Variants in TMEM63A observed in about 807,000 individuals in gnomAD.
TMEM63A encodes the protein transmembrane protein 63A.
A neutral mutation model predicts 100.6 loss-of-function variants in TMEM63A; 76 were observed. That is an observed-to-expected ratio of 0.76 (90% CI 0.63 to 0.91). TMEM63A has a LOEUF of 0.91. Among genes scored for constraint, TMEM63A ranks in the 40% least tolerant of loss-of-function variants. TMEM63A has a pLI of 0.00. For synonymous variants in TMEM63A, 401 were observed against 401.1 expected (o/e 1.00, Z 0.00); for missense variants, 876 against 1,008.8 (o/e 0.87, Z 1.78).
At chr1:225,844,422 T>C, downstream of TMEM63A, 1 of 1,611,994 alleles carries the variant, frequency 6.2e-7, no homozygotes, top group Non-Finnish European at 8.5e-7. Context: ...CTGGCATTTG[T>C]AGGACTTTCT....
chr1:225,863,659 G>A (rs999904615), intron 10 of TMEM63A, among the ~76,000 whole-genome samples: 1 of 152,084 alleles, frequency 6.6e-6, no homozygotes, highest in Non-Finnish European at 1.5e-5. Context: ...GCTCATGCCT[G>A]TAATCCCAGC....
chr1:225,876,495 A>G (rs1437326850), intron 3 of TMEM63A, among the ~76,000 whole-genome samples: 1 of 152,210 alleles, frequency 6.6e-6, no homozygotes, highest in Non-Finnish European at 1.5e-5. Context: ...AAGAAGGGGC[A>G]CTTTAACCCC....
chr1:225,862,429 T>A lies in TMEM63A; in HGVS notation c.951+26A>T, dbSNP rs755167621. ...GGCACCCCGATGCCAATGCCTCTGC[T>A]CCCAGCCGGGGGGTGGGACCCTTAC... On this transcript the variant is annotated intron_variant, in intron 12 of 24. Transcript: ENST00000366835. This position sits in a 1 kb window ranked among gnomAD's most constrained non-coding sequence, Gnocchi z 5.1. 6.2e-7 allele frequency: 1 copy of A among 1,613,842 alleles called. No individual in the cohort carries two copies. The highest frequency in any genetic ancestry group is 1.1e-5 in the South Asian group (1 of 91,074).
intron 20 of TMEM63A, 71 bp from the exon 21 acceptor site, chr1:225,850,150 G>A (rs551185266): frequency 6.9e-5 from 107 of 1,558,380 alleles, no homozygotes; most frequent in Admixed American, 9.1e-5. Flanking sequence ...CTTCCTCTCC[G>A]GGGCGGCTAT....
chr1:225,878,885 T>TACCTAC (rs1491107467), intron 2 of TMEM63A, among the ~76,000 whole-genome samples: 17 of 139,590 alleles, frequency 1.2e-4, no homozygotes, highest in South Asian at 9.7e-4. Flanking sequence ...CCTACCTACC[T>TACCTAC]ACACACACAC....
chr1:225,857,280 C>T (rs1172852741), intron 15 of TMEM63A, among the ~76,000 whole-genome samples: 1 of 151,728 alleles, frequency 6.6e-6, no homozygotes, highest in African/African-American at 2.4e-5. Flanking sequence ...CTCCACTTAT[C>T]TGACTAACCA....
chr1:225,845,531 A>AT, downstream of TMEM63A: 1 of 622,358 alleles, frequency 1.6e-6, no homozygotes, highest in Middle Eastern at 4.3e-4. Flanking sequence ...GGTAAGCAAC[A>AT]TGGCTTTGAT....
rs147462916 is a variant in TMEM63A, at chr1:225,845,797, AAG to A, written c.*1140_*1141del. On this transcript the variant is annotated 3_prime_UTR_variant, in exon 25 of 25. Coordinates refer to ENST00000366835, the MANE Select transcript of TMEM63A (RefSeq NM_014698.3). Reference sequence around the variant, plus strand: ...ACCACTGCGGGGGCAAGTCAGCGTCAAGAGAGTCCCTGAGTGAGAAGGCCCAG... The same window carrying A: ...ACCACTGCGGGGGCAAGTCAGCGTCAAGAGTCCCTGAGTGAGAAGGCCCAG... 2.7e-5 allele frequency: 7 copies of A among 262,308 alleles called. No individual in the cohort carries two copies. Among genetic ancestry groups the A allele is most frequent in the African/African-American group, 8.9e-5 (4 of 45,130 alleles). 16.2% of individuals were successfully genotyped at this position (262,308 alleles called of 1,614,324 possible).
intron 3 of TMEM63A, among the ~76,000 whole-genome samples, chr1:225,876,506 A>C (rs1670810922): frequency 6.6e-6 from 1 of 152,212 alleles, no homozygotes; most frequent in Non-Finnish European, 1.5e-5. Context: ...CTTTAACCCC[A>C]ATAAATCTCA....
intron 20 of TMEM63A, 62 bp downstream of exon 20, chr1:225,852,602 G>C: frequency 6.5e-7 from 1 of 1,534,312 alleles, no homozygotes; most frequent in South Asian, 1.1e-5. Context: ...TCCCCGAGAG[G>C]TTTGGTGCAA....
At chr1:225,842,537 CT>C, downstream of TMEM63A, 2 of 1,137,792 alleles carry the variant, frequency 1.8e-6, no homozygotes, top group South Asian at 2.5e-5. Flanking sequence ...TCCTCACCCT[CT>C]TCATCCCCTT....
intron 22 of TMEM63A, 140 bp downstream of exon 22, chr1:225,848,757 C>T: frequency 1.2e-6 from 1 of 850,412 alleles, no homozygotes; most frequent in Admixed American, 2.2e-5. Flanking sequence ...ACCACCCACG[C>T]CTTTCCCATG....
chr1:225,871,142 T>G, intron 5 of TMEM63A, 29 bp from the exon 6 acceptor site: 2 of 1,611,714 alleles, frequency 1.2e-6, no homozygotes, highest in Non-Finnish European at 1.7e-6. Context: ...GGGATTAGCT[T>G]CCAACATTTG....
At position 225,853,675 on chromosome 1, in the gene TMEM63A, C is replaced by T. The variant is rs760750326; in HGVS notation, c.1751G>A (p.Arg584His). Reference sequence around the variant, plus strand: ...AGCAGCCGTCTTGGCCATGATCATGCGGAAGGTATAGAGGATGAGACCTGG... The same window carrying T: ...AGCAGCCGTCTTGGCCATGATCATGTGGAAGGTATAGAGGATGAGACCTGG... ...RLPGLILYTF[R>H]MIMAKTAADR... Residue 584 changes from arginine to histidine, a missense_variant, in exon 19 of 25, where the codon CGC becomes CAC. Physicochemically the swap from Arg to His is conservative, Grantham distance 29 (BLOSUM62 0). Transcript: ENST00000366835. This position sits in a 1 kb window ranked among gnomAD's most constrained non-coding sequence, Gnocchi z 4.0. 1.2e-5 allele frequency: 19 copies of T among 1,581,394 alleles called. No individual in the cohort carries two copies. The highest frequency in any genetic ancestry group is 3.5e-5 in the South Asian group (3 of 86,546).
At chr1:225,855,753 G>T in intron 18 of TMEM63A, 125 bp downstream of exon 18, 1 of 935,542 alleles carries the variant, frequency 1.1e-6, no homozygotes, top group Non-Finnish European at 1.6e-6. Flanking sequence ...CCTGCTGTCT[G>T]GGGAGGAAGA....
intron 1 of TMEM63A, among the ~76,000 whole-genome samples, chr1:225,881,959 C>T (rs998928623): frequency 6.6e-5 from 10 of 152,158 alleles, no homozygotes; most frequent in Admixed American, 6.5e-4. Flanking sequence ...GTATAGGGTC[C>T]GAGGAGCCCA....
chr1:225,851,205 T>G (rs1669317790), intron 20 of TMEM63A, among the ~76,000 whole-genome samples: 1 of 152,078 alleles, frequency 6.6e-6, no homozygotes, highest in Non-Finnish European at 1.5e-5. Flanking sequence ...TGTATGTCAG[T>G]GCTCCCACAC....
intron 22 of TMEM63A, 41 bp from the exon 23 acceptor site, chr1:225,848,595 G>GT: frequency 6.2e-7 from 1 of 1,605,550 alleles, no homozygotes; most frequent in Non-Finnish European, 8.5e-7. Context: ...AAACAAAACT[G>GT]ATCTCTGTGA....
Position 225,862,690 on chromosome 1 carries a change from C to G in TMEM63A, c.827+81G>C. The G allele has an allele frequency of 1.2e-6, 2 of 1,608,632 alleles. No homozygotes were observed. Among genetic ancestry groups the G allele is most frequent in the Admixed American group, 3.4e-5 (2 of 59,500 alleles). On this transcript the variant is annotated intron_variant, in intron 11 of 24. Transcript: ENST00000366835. The surrounding 1 kb of genome is among the most constrained non-coding windows in gnomAD (Gnocchi z 5.1). ...CAGGGGAGAAGGAGGGGTCCAGGGC[C>G]TCCCGCCTCCCTTCCTAGCTGGGAG...
Sources: gnomAD v4.1 joint callset for allele counts (sites outside exome capture counted in the v4.1 genomes callset) on GRCh38, gnomAD v4.1.1 for gene constraint, Gnocchi (gnomAD v3.1) non-coding constraint, MANE v1.5 for transcripts, NCBI Gene and HGNC (gene_info 2026-07-23, HGNC 2026-07-21) for gene names.